The following RANBP2 variants were observed in gnomAD, a reference collection of about 807,000 sequenced individuals.
RANBP2 encodes the protein E3 SUMO-protein ligase RanBP2.
In RANBP2, 57 loss-of-function variants were observed where a neutral mutation model predicts 303.6. The observed-to-expected ratio is 0.19, with a 90% CI of 0.15 to 0.23. The LOEUF is 0.23. RANBP2 is among the 10% of genes least tolerant of loss of function. RANBP2 has a pLI of 1.00. For synonymous variants in RANBP2, 1,167 were observed against 1,301.5 expected, an observed-to-expected ratio of 0.90 and a Z score of 2.23; for missense variants, 3,138 against 3,780.8, an observed-to-expected ratio of 0.83 and a Z score of 4.46.
the RANBP2 span, among the ~76,000 whole-genome samples, chr2:108,916,599 G>T: frequency 6.6e-6 from 1 of 152,154 alleles, no homozygotes; most frequent in Non-Finnish European, 1.5e-5. Context: ...CCAACTAAAC[G>T]GTCCCCAACT....
At chr2:108,912,703 C>A in the RANBP2 span, 9 of 1,600,352 alleles carry the variant, frequency 5.6e-6, no homozygotes, top group Non-Finnish European at 6.8e-6. Flanking sequence ...GGAAGGGAGA[C>A]AGGGTGCTGC....
the RANBP2 span, among the ~76,000 whole-genome samples, chr2:109,706,940 C>T: frequency 6.6e-6 from 1 of 152,184 alleles, no homozygotes; most frequent in Admixed American, 6.5e-5. Context: ...GGGAGGTGTG[C>T]CACCAGGGCC....
the RANBP2 span, among the ~76,000 whole-genome samples, chr2:109,705,390 G>T: frequency 6.6e-6 from 1 of 152,148 alleles, no homozygotes; most frequent in East Asian, 1.9e-4. Flanking sequence ...TGGGCAACAA[G>T]AGCAAAACTC....
the RANBP2 span, among the ~76,000 whole-genome samples, chr2:109,610,857 T>C: frequency 1.3e-5 from 2 of 152,184 alleles, no homozygotes; most frequent in African/African-American, 4.8e-5. Flanking sequence ...TTTGTAAATA[T>C]AGATAAGACG....
chr2:109,315,733 T>A, the RANBP2 span, among the ~76,000 whole-genome samples: 1 of 152,334 alleles, frequency 6.6e-6, no homozygotes, highest in South Asian at 2.1e-4. Flanking sequence ...CTCTTTCATC[T>A]CATTATGTCT....
At chr2:108,864,491 A>G in the RANBP2 span, among the ~76,000 whole-genome samples, 1 of 151,452 alleles carries the variant, frequency 6.6e-6, no homozygotes, top group African/African-American at 2.4e-5. Flanking sequence ...AGTAAGGCCC[A>G]TCTCTACAAA....
chr2:109,044,138 G>C, the RANBP2 span, among the ~76,000 whole-genome samples: 3 of 152,118 alleles, frequency 2.0e-5, no homozygotes, highest in Non-Finnish European at 4.4e-5. Context: ...TAAAAACATA[G>C]AATTATTCTA....
chr2:109,036,897 A>T, the RANBP2 span, among the ~76,000 whole-genome samples: 1 of 152,284 alleles, frequency 6.6e-6, no homozygotes, highest in South Asian at 2.1e-4. Flanking sequence ...TAATCCCAAC[A>T]CTTTGGGAGG....
chr2:109,401,047 T>C, the RANBP2 span, among the ~76,000 whole-genome samples: 18 of 152,318 alleles, frequency 1.2e-4, no homozygotes, highest in African/African-American at 4.3e-4. Context: ...CCTGTGTGTG[T>C]GCACATCTGG....
the RANBP2 span, among the ~76,000 whole-genome samples, chr2:108,806,257 C>T: frequency 1.3e-5 from 2 of 152,190 alleles, no homozygotes; most frequent in South Asian, 4.1e-4. Context: ...CAGTCTCATT[C>T]TACCACTCTC....
the RANBP2 span, among the ~76,000 whole-genome samples, chr2:108,932,808 C>T: frequency 6.6e-6 from 1 of 152,164 alleles, no homozygotes; most frequent in Non-Finnish European, 1.5e-5. Context: ...AACATTCAAA[C>T]CATAGCAGCA....
At chr2:109,388,479 G>C in the RANBP2 span, among the ~76,000 whole-genome samples, 1 of 152,290 alleles carries the variant, frequency 6.6e-6, no homozygotes, top group East Asian at 1.9e-4. Flanking sequence ...CCCCAGCCAG[G>C]CCCCCCAGGT....
At chr2:109,719,694 C>A in the RANBP2 span, among the ~76,000 whole-genome samples, 1 of 152,036 alleles carries the variant, frequency 6.6e-6, no homozygotes, top group African/African-American at 2.4e-5. Context: ...TGCTAGCCAC[C>A]ACGCCTGGCC....
the RANBP2 span, among the ~76,000 whole-genome samples, chr2:108,935,018 G>A: frequency 6.6e-6 from 1 of 152,184 alleles, no homozygotes; most frequent in Admixed American, 6.5e-5. Flanking sequence ...ACACTCTTTT[G>A]GAGTCAAGCG....
chr2:109,474,412 G>A, the RANBP2 span, among the ~76,000 whole-genome samples: 2 of 152,198 alleles, frequency 1.3e-5, no homozygotes, highest in African/African-American at 4.8e-5. Flanking sequence ...TAACAGAGAA[G>A]GAGGGGCTGT....
chr2:109,588,991 A>C, the RANBP2 span, among the ~76,000 whole-genome samples: 3 of 152,042 alleles, frequency 2.0e-5, no homozygotes, highest in Non-Finnish European at 1.5e-5. Flanking sequence ...ATAGAAAATT[A>C]GTTATCAAGA....
At chr2:108,918,098 G>A in the RANBP2 span, among the ~76,000 whole-genome samples, 1 of 152,184 alleles carries the variant, frequency 6.6e-6, no homozygotes, top group East Asian at 1.9e-4. Flanking sequence ...ATATTAAAAG[G>A]AAAAGAGAGC....
chr2:108,987,118 A>C, the RANBP2 span, among the ~76,000 whole-genome samples: 28,918 of 152,050 alleles, frequency 0.19, 2,927 homozygotes, highest in Middle Eastern at 0.26. Context: ...TGTCTGCCAA[A>C]CACCATCCTG....
chr2:109,390,045 C>T, the RANBP2 span, among the ~76,000 whole-genome samples: 2 of 152,164 alleles, frequency 1.3e-5, no homozygotes, highest in African/African-American at 2.4e-5. Context: ...TTAAAAATGG[C>T]CAGAAATCCA....
Sources: allele counts gnomAD v4.1 joint callset (sites outside exome capture counted in the v4.1 genomes callset), GRCh38; gene constraint gnomAD v4.1.1; transcripts MANE v1.5; gene names NCBI Gene and HGNC (gene_info 2026-07-23, HGNC 2026-07-21).